Variants in KNTC1 observed in about 807,000 individuals in gnomAD.
KNTC1 encodes the protein kinetochore associated 1.
Under a neutral mutation model 314.4 loss-of-function variants are expected in KNTC1, and 253 were observed. The observed-to-expected ratio is 0.80, with a 90% confidence interval of 0.73 to 0.89. The LOEUF (loss-of-function observed/expected upper bound fraction) is 0.89. KNTC1 is among the 40% of genes least tolerant of loss of function. The probability of loss-of-function intolerance (pLI) is 0.00; values close to 1 mark genes in which losing one functional copy is unlikely to be tolerated. For missense variants in KNTC1, 2,475 were observed against 2,572.9 expected, an observed-to-expected ratio of 0.96 and a Z score of 0.82; for synonymous variants, 901 against 901.4, an observed-to-expected ratio of 1.00 and a Z score of 0.01.
chr12:122,605,537 A>T, intron 51 of KNTC1, 122 bp downstream of exon 51: 1 of 547,522 alleles, frequency 1.8e-6, no homozygotes, highest in South Asian at 3.1e-5. Context: ...TCTTCAAAGA[A>T]GGAAGTTTCT....
At chr12:122,565,052 C>T (rs80002214) in intron 20 of KNTC1, among the ~76,000 whole-genome samples, 4,586 of 152,156 alleles carry the variant, frequency 0.03, 225 homozygotes, top group African/African-American at 0.1. Context: ...CATTTTCTCA[C>T]TCATTCACCA....
chr12:122,605,126 TA>T, intron 50 of KNTC1, 39 bp downstream of exon 50: 1 of 1,534,178 alleles, frequency 6.5e-7, no homozygotes, highest in South Asian at 1.2e-5. Flanking sequence ...CAAGAAAAGC[TA>T]TTATTTTGAT....
At chr12:122,606,805 T>C (rs1330039268) in intron 51 of KNTC1, among the ~76,000 whole-genome samples, 1 of 152,126 alleles carries the variant, frequency 6.6e-6, no homozygotes, top group Non-Finnish European at 1.5e-5. Context: ...TTCTGAACCA[T>C]TGGAGAGTAA....
intron 12 of KNTC1, among the ~76,000 whole-genome samples, chr12:122,548,601 G>T (rs1962962534): frequency 6.6e-6 from 1 of 152,130 alleles, no homozygotes; most frequent in Non-Finnish European, 1.5e-5. Context: ...TGGACTTCAG[G>T]TATATGTATG....
At position 122,597,726 on chromosome 12, in the gene KNTC1, T is replaced by G. The variant is rs1871256642; in HGVS notation, c.4356-5T>G. The G allele has an allele frequency of 1.2e-6, 2 of 1,613,416 alleles. No homozygotes were observed. Among genetic ancestry groups the G allele is most frequent in the East Asian group, 4.5e-5 (2 of 44,890 alleles). ...AGACTGGTGTGTATTGAATGCTTCT[T>G]TTAGCACATTTCAGTTGGACTGCGA... On this transcript the variant is annotated splice_region_variant and splice_polypyrimidine_tract_variant and intron_variant, in intron 43 of 63. Transcript: ENST00000333479.
rs761851626 is a variant in KNTC1 at position 122,579,979 on chromosome 12, T to C, written c.2914+2T>C. On this transcript the variant is annotated splice_donor_variant, in intron 32 of 63. Coordinates refer to ENST00000333479, the MANE Select transcript of KNTC1 (RefSeq NM_014708.6). LOFTEE classifies it high-confidence loss of function. The stretch of plus-strand genomic sequence containing the variant: ...AGATACTATGTGACATTCAGAAAGG[T>C]AGCTTTTACTTCTGTTTTCTCATCT... 1 of 1,590,682 alleles carries C rather than the reference T, an allele frequency of 6.3e-7. No homozygotes were observed. Among genetic ancestry groups the C allele is most frequent in the Non-Finnish European group, 8.6e-7 (1 of 1,159,006 alleles).
intron 18 of KNTC1, among the ~76,000 whole-genome samples, chr12:122,560,120 T>C (rs982559213): frequency 4.6e-5 from 7 of 152,238 alleles, no homozygotes; most frequent in African/African-American, 1.7e-4. Context: ...ACTTGTCTTT[T>C]GTGACTGGCT....
Position 122,597,907 on chromosome 12 carries a change from T to TG in KNTC1, c.4534dup (p.Val1512GlyfsTer5). The TG allele has an allele frequency of 6.2e-7, 1 of 1,614,050 alleles. No individual in the cohort carries two copies. Among genetic ancestry groups the TG allele is most frequent in the Non-Finnish European group, 8.5e-7 (1 of 1,179,894 alleles). ...CCTTTACTGACGAGCACAAAAGATT[T>TG]GGTCATCAGTCTTAGTGGAATACTA... is the stretch of plus-strand genomic sequence containing the variant. On this transcript the variant is annotated frameshift_variant, in exon 44 of 64. Transcript: ENST00000333479. LOFTEE classifies it high-confidence loss of function.
Position 122,591,219 on chromosome 12 carries a change from T to C in KNTC1, c.4129-118T>C, listed in dbSNP as rs1870144896. 1.1e-5 allele frequency: 8 copies of C among 700,078 alleles called. No individual in the cohort carries two copies. In the East Asian group the frequency reaches 2.0e-4, roughly 18 times the overall value. 43.4% of individuals were successfully genotyped at this position (700,078 alleles called of 1,614,324 possible). A position where few individuals can be genotyped will look rare whatever the true frequency, so the allele number is the denominator to read the frequency against. ...TAACGACTGTGTACAAAATAATATG[T>C]AACATTCTACACGGTTGATCACAAA... On this transcript the variant is annotated intron_variant, in intron 41 of 63. Transcript: ENST00000333479.
chr12:122,541,972 G>A lies in KNTC1; in HGVS notation c.446-78G>A, dbSNP rs1439987895. 43 of 1,373,570 alleles carry A rather than the reference G, an allele frequency of 3.1e-5. No homozygotes were observed. The African/African-American group carries it at 4.0e-4, about 13-fold the overall frequency. 85.1% of individuals were successfully genotyped at this position (1,373,570 alleles called of 1,614,324 possible). Reference sequence around the variant, plus strand: ...GGAGGTTGCAGGGAGCCGAGATCGCGCTGCTGCACTCCAGCCTAGCGACAG... The same window carrying A: ...GGAGGTTGCAGGGAGCCGAGATCGCACTGCTGCACTCCAGCCTAGCGACAG... On this transcript the variant is annotated intron_variant, in intron 5 of 63. Transcript: ENST00000333479.
chr12:122,536,551 G>T (rs1436828783), intron 3 of KNTC1, among the ~76,000 whole-genome samples: 1 of 140,486 alleles, frequency 7.1e-6, no homozygotes, highest in Non-Finnish European at 1.5e-5. Flanking sequence ...AGACAGTCTC[G>T]CTCTGTGGCC....
At chr12:122,591,265 G>A (rs778093382) in intron 41 of KNTC1, 72 bp from the exon 42 acceptor site, 33 of 805,288 alleles carry the variant, frequency 4.1e-5, no homozygotes, top group South Asian at 8.3e-5. Context: ...TTATTGTTGC[G>A]TTTCGTCTAA....
intron 5 of KNTC1, among the ~76,000 whole-genome samples, chr12:122,541,287 G>GCCTGCCTGCCTGCCTGCCTGCCTGCCTT (rs758235054): frequency 1.7e-5 from 2 of 120,982 alleles, no homozygotes; most frequent in South Asian, 2.8e-4. Context: ...CTGCCTGCCT[G>GCCTGCCTGCCTGCCTGCCTGCCTGCCTT]CCTTCCTTCC....
intron 44 of KNTC1, among the ~76,000 whole-genome samples, chr12:122,600,893 T>C (rs1257388215): frequency 6.6e-6 from 1 of 152,076 alleles, no homozygotes; most frequent in South Asian, 2.1e-4. Flanking sequence ...CTTGAACTCT[T>C]GACCCCAGGT....
intron 16 of KNTC1, among the ~76,000 whole-genome samples, chr12:122,555,309 T>TG (rs1336899006): frequency 6.6e-6 from 1 of 152,204 alleles, no homozygotes; most frequent in Non-Finnish European, 1.5e-5. Context: ...TCCCACACTT[T>TG]GGGAGGCCAA....
rs770212695 is a variant in KNTC1 at position 122,573,018 on chromosome 12, A to C, written c.2101A>C (p.Lys701Gln). 1.2e-6 allele frequency: 2 copies of C among 1,611,552 alleles called. No homozygotes were observed. The highest frequency in any genetic ancestry group is 1.7e-5 in the Admixed American group (1 of 59,602). Reference sequence around the variant, plus strand: ...GCGAGAGTTGATCACGTTGCATAGGAAGTACAACTGCAAATTAGCCCTCTC... The same window carrying C: ...GCGAGAGTTGATCACGTTGCATAGGCAGTACAACTGCAAATTAGCCCTCTC... ...NLRELITLHR[K>Q]YNCKLALSDF... is the part of the protein sequence containing the mutation. The change falls in exon 25 of 64, where the codon AAG becomes CAG. Residue 701 changes from lysine to glutamine, a missense_variant. Coordinates refer to ENST00000333479, the MANE Select transcript of KNTC1 (RefSeq NM_014708.6).
intron 22 of KNTC1, 46 bp downstream of exon 22, chr12:122,569,870 T>G (rs1294118284): frequency 1.3e-6 from 2 of 1,550,592 alleles, no homozygotes; most frequent in African/African-American, 1.4e-5. Context: ...TTATTTCATT[T>G]TTTACATTAG....
chr12:122,616,266 C>CTTT (rs398056023), intron 57 of KNTC1, among the ~76,000 whole-genome samples: 4 of 142,908 alleles, frequency 2.8e-5, no homozygotes, highest in Non-Finnish European at 4.6e-5. Flanking sequence ...TAGAGATTTC[C>CTTT]TTTTTTTTTT....
Position 122,586,711 on chromosome 12 carries a change from A to C in KNTC1, c.3684A>C (p.Arg1228Ser). 6.8e-7 allele frequency: 1 copy of C among 1,480,754 alleles called. No individual in the cohort carries two copies. The highest frequency in any genetic ancestry group is 9.1e-7 in the Non-Finnish European group (1 of 1,103,248). 91.7% of individuals were successfully genotyped at this position (1,480,754 alleles called of 1,614,324 possible). ...SSLVPLAESK[R>S]YPLESTSLPY... The stretch of plus-strand genomic sequence containing the variant: ...TATTATCTTTTGTAGAAAGCAAGAG[A>C]TATCCCTTGGAGTCTACCAGTTTGC... Residue 1228 changes from arginine (R) to serine (S), a missense_variant, in exon 38 of 64, where the codon AGA (arginine) becomes AGC (serine). Coordinates refer to ENST00000333479, the MANE Select transcript of KNTC1 (RefSeq NM_014708.6).
Sources: allele counts gnomAD v4.1 joint callset (sites outside exome capture counted in the v4.1 genomes callset), GRCh38; gene constraint gnomAD v4.1.1; transcripts MANE v1.5; gene names NCBI Gene and HGNC (gene_info 2026-07-23, HGNC 2026-07-21).